The following IGF2BP2 variants were observed in gnomAD, a reference collection of about 807,000 sequenced individuals.
The protein encoded by IGF2BP2 is insulin-like growth factor 2 mRNA-binding protein 2.
A neutral mutation model predicts 75.8 loss-of-function variants in IGF2BP2; 17 were observed. The observed-to-expected ratio is 0.22, with a 90% CI of 0.15 to 0.34. The LOEUF is 0.34. Ranked by LOEUF, IGF2BP2 falls within the 10% of genes least tolerant of loss-of-function variation. The pLI is 1.00. For synonymous variants in IGF2BP2, 288 were observed against 295.6 expected (o/e 0.97, Z 0.26); for missense variants, 516 against 772.4 (o/e 0.67, Z 3.93).
At chr3:185,757,057 C>T (rs1022215389) in intron 2 of IGF2BP2, among the ~76,000 whole-genome samples, 2 of 152,150 alleles carry the variant, frequency 1.3e-5, no homozygotes, top group East Asian at 1.9e-4. Flanking sequence ...TGGTTCTAGC[C>T]GTATCTCTAT....
At position 185,672,615 on chromosome 3, in the gene IGF2BP2, T is replaced by C. The variant is rs781632739; in HGVS notation, c.1126A>G (p.Thr376Ala). Reference protein sequence around the residue: ...LNLSALGIFSTGLSVLSPPAG... With the variant: ...LNLSALGIFSAGLSVLSPPAG... ...GGTGGAGATAGCACGGACAGTCCTGTTGAAAAGATGCCAAGTGCGCTGAGG... is the reference window on the plus strand; with the variant it reads ...GGTGGAGATAGCACGGACAGTCCTGCTGAAAAGATGCCAAGTGCGCTGAGG... The change falls in exon 10 of 16, where the codon ACA (threonine) becomes GCA (alanine). Residue 376 changes from threonine to alanine, a missense_variant. Thr to Ala is a moderately conservative substitution (Grantham distance 58). Coordinates refer to ENST00000382199, the MANE Select transcript of IGF2BP2 (RefSeq NM_006548.6). 51 of 1,613,996 alleles carry C rather than the reference T, an allele frequency of 3.2e-5. No individual in the cohort carries two copies. Among genetic ancestry groups the C allele is most frequent in the Non-Finnish European group, 4.2e-5 (49 of 1,179,914 alleles).
At position 185,679,262 on chromosome 3, in the gene IGF2BP2, C is replaced by T. The variant is rs184221484; in HGVS notation, c.813-3349G>A. Among the ~76,000 whole-genome samples the T allele has an allele frequency of 4.6e-4, 69 of 150,888 alleles. No homozygotes were observed. The East Asian group carries it at 0.012, about 26-fold the overall frequency. On this transcript the variant is annotated intron_variant, in intron 7 of 15. Coordinates refer to ENST00000382199, the MANE Select transcript of IGF2BP2 (RefSeq NM_006548.6). ...TGATGTGCTTTGATTTTCTTTTGTG[C>T]GTTCTCATAGATTTTTTCTTGGTGG... is the stretch of plus-strand genomic sequence containing the variant.
chr3:185,723,269 C>A (rs1048671630), intron 2 of IGF2BP2, among the ~76,000 whole-genome samples: 6 of 152,148 alleles, frequency 3.9e-5, no homozygotes, highest in African/African-American at 1.2e-4. Flanking sequence ...TGATTTCTAT[C>A]CCTTGGAAAT....
At chr3:185,782,065 A>AT (rs1481557700) in intron 2 of IGF2BP2, among the ~76,000 whole-genome samples, 2 of 152,194 alleles carry the variant, frequency 1.3e-5, no homozygotes, top group East Asian at 3.8e-4. Context: ...CATTTAAAAC[A>AT]TATGTACTGG....
At chr3:185,754,192 G>A (rs1483091991) in intron 2 of IGF2BP2, among the ~76,000 whole-genome samples, 1 of 152,108 alleles carries the variant, frequency 6.6e-6, no homozygotes, top group Non-Finnish European at 1.5e-5. Flanking sequence ...CTGGGTGACA[G>A]AGCAAGACCC....
At chr3:185,823,656 G>GC (rs1277315093) in intron 1 of IGF2BP2, among the ~76,000 whole-genome samples, 12 of 151,930 alleles carry the variant, frequency 7.9e-5, no homozygotes, top group Admixed American at 1.3e-4. Context: ...ACGAGCCGAA[G>GC]CCCCCCGGAG....
intron 2 of IGF2BP2, among the ~76,000 whole-genome samples, chr3:185,758,453 A>C (rs1731922004): frequency 6.6e-6 from 1 of 152,214 alleles, no homozygotes; most frequent in Admixed American, 6.5e-5. Flanking sequence ...TCTGTAAAAC[A>C]AGGACAGGAC....
intron 2 of IGF2BP2, among the ~76,000 whole-genome samples, chr3:185,820,157 A>C (rs1260983921): frequency 6.6e-6 from 1 of 151,640 alleles, no homozygotes; most frequent in African/African-American, 2.4e-5. Context: ...TGAGGTACAA[A>C]AGCACATTCA....
At chr3:185,774,835 T>C (rs1263936911) in intron 2 of IGF2BP2, among the ~76,000 whole-genome samples, 2 of 151,404 alleles carry the variant, frequency 1.3e-5, no homozygotes, top group East Asian at 3.9e-4. Flanking sequence ...GCCTGGCCAA[T>C]ATGATGAAAC....
intron 9 of IGF2BP2, among the ~76,000 whole-genome samples, chr3:185,673,484 G>A (rs1424893877): frequency 6.6e-6 from 1 of 152,112 alleles, no homozygotes. Context: ...TTAGTTGTCG[G>A]CTTTGTGATC....
At chr3:185,666,145 A>T (rs1233980406) in intron 10 of IGF2BP2, among the ~76,000 whole-genome samples, 1 of 152,212 alleles carries the variant, frequency 6.6e-6, no homozygotes, top group Non-Finnish European at 1.5e-5. Context: ...AAAGGCTTAG[A>T]AATTATACTC....
Position 185,811,830 on chromosome 3 carries a change from G to GTCTCTCTCTCTCTC in IGF2BP2, c.239+11309_239+11322dup, listed in dbSNP as rs58208457. The stretch of plus-strand genomic sequence containing the variant: ...CAGGGGACGGTGCTCAGAGTAGGGT[G>GTCTCTCTCTCTCTC]TCTCTCTCTCTCTCTCTCTCTCTCT... On this transcript the variant is annotated intron_variant, in intron 2 of 15. Transcript: ENST00000382199. 6.6e-3 allele frequency among the ~76,000 whole-genome samples: 793 copies of GTCTCTCTCTCTCTC among 120,650 alleles called. 18 individuals are homozygous for GTCTCTCTCTCTCTC. The highest frequency in any genetic ancestry group is 9.1e-3 in the Non-Finnish European group (517 of 56,884). The allele number at this position is 120,650 out of a possible 152,430, so 79.2% of individuals were successfully genotyped here. A position where few individuals can be genotyped will look rare whatever the true frequency, so the allele number is the denominator to read the frequency against.
intron 7 of IGF2BP2, among the ~76,000 whole-genome samples, chr3:185,681,621 T>G (rs1720400850): frequency 6.6e-6 from 1 of 152,150 alleles, no homozygotes; most frequent in Non-Finnish European, 1.5e-5. Flanking sequence ...GCCAAAATGA[T>G]TTCAAAAAAT....
chr3:185,808,131 A>AG (rs1739285001), intron 2 of IGF2BP2, among the ~76,000 whole-genome samples: 1 of 120,784 alleles, frequency 8.3e-6, no homozygotes, highest in Admixed American at 8.1e-5. Context: ...AAAAAAAAAA[A>AG]AAAAGAAAGA....
At chr3:185,747,156 C>T (rs975880003) in intron 2 of IGF2BP2, among the ~76,000 whole-genome samples, 3 of 152,182 alleles carry the variant, frequency 2.0e-5, no homozygotes, top group African/African-American at 7.2e-5. Flanking sequence ...TTTGTTCTTC[C>T]TAAATTATCC....
intron 2 of IGF2BP2, among the ~76,000 whole-genome samples, chr3:185,802,289 C>G (rs1650705541): frequency 3.8e-5 from 3 of 79,962 alleles, no homozygotes; most frequent in Admixed American, 3.1e-4. Flanking sequence ...TCCAGCTTAA[C>G]ACATGAAGTG....
intron 2 of IGF2BP2, among the ~76,000 whole-genome samples, chr3:185,779,109 C>T (rs1343693089): frequency 2.0e-5 from 3 of 148,764 alleles, no homozygotes. Flanking sequence ...TATTTTTAAA[C>T]TTCTAAAAAT....
At chr3:185,730,360 G>A (rs1369892075) in intron 2 of IGF2BP2, among the ~76,000 whole-genome samples, 1 of 151,594 alleles carries the variant, frequency 6.6e-6, no homozygotes, top group Non-Finnish European at 1.5e-5. Context: ...CAGTTGATGG[G>A]CACCCAGGTT....
chr3:185,745,613 A>C (rs1730152370), intron 2 of IGF2BP2, among the ~76,000 whole-genome samples: 1 of 152,172 alleles, frequency 6.6e-6, no homozygotes. Flanking sequence ...AAATGAGTCC[A>C]ACCGTCTTCT....
Sources: allele counts gnomAD v4.1 joint callset (sites outside exome capture counted in the v4.1 genomes callset), GRCh38; gene constraint gnomAD v4.1.1; transcripts MANE v1.5; gene names NCBI Gene and HGNC (gene_info 2026-07-23, HGNC 2026-07-21).